The following NELL1 variants were observed in gnomAD, a reference collection of about 807,000 sequenced individuals.
NELL1 encodes the protein neural EGFL like 1.
Under a neutral mutation model 107.4 loss-of-function variants are expected in NELL1, and 76 were observed. That is an observed-to-expected ratio of 0.71 (90% CI 0.59 to 0.86). The LOEUF (loss-of-function observed/expected upper bound fraction) is 0.86. Among genes scored for constraint, NELL1 ranks in the 40% least tolerant of loss-of-function variants. The probability of loss-of-function intolerance (pLI) is 0.00; values close to 1 mark genes in which losing one functional copy is unlikely to be tolerated. For synonymous variants in NELL1, 353 were observed against 341.2 expected (o/e 1.03, Z -0.38); for missense variants, 1,024 against 1,005.5 (o/e 1.02, Z -0.25).
chr11:21,158,557 A>T (rs1435335040), intron 13 of NELL1, among the ~76,000 whole-genome samples: 1 of 152,182 alleles, frequency 6.6e-6, no homozygotes, highest in Admixed American at 6.5e-5. Context: ...CCACTTTTAC[A>T]TTCTATATCT....
At chr11:21,542,540 A>T (rs1564950928) in intron 16 of NELL1, among the ~76,000 whole-genome samples, 1 of 152,048 alleles carries the variant, frequency 6.6e-6, no homozygotes, top group Non-Finnish European at 1.5e-5. Context: ...CATCCTTCTG[A>T]GCGATGGGCA....
intron 10 of NELL1, among the ~76,000 whole-genome samples, chr11:20,942,619 A>T (rs1371333651): frequency 3.9e-5 from 6 of 152,186 alleles, no homozygotes; most frequent in Non-Finnish European, 8.8e-5. Context: ...TCCTCAATAA[A>T]TGTGAGCTAT....
chr11:21,419,457 T>C (rs1443919950), intron 15 of NELL1, among the ~76,000 whole-genome samples: 1 of 152,150 alleles, frequency 6.6e-6, no homozygotes, highest in Non-Finnish European at 1.5e-5. Flanking sequence ...AAGAGACTTT[T>C]AGGGGTCACG....
intron 14 of NELL1, among the ~76,000 whole-genome samples, chr11:21,336,147 A>G (rs1372259568): frequency 6.6e-6 from 1 of 152,054 alleles, no homozygotes; most frequent in Admixed American, 6.6e-5. Context: ...TTCTCAGGCT[A>G]TGACATTAAA....
intron 12 of NELL1, among the ~76,000 whole-genome samples, chr11:21,074,743 C>CT (rs201551237): frequency 4.6e-5 from 7 of 151,978 alleles, no homozygotes; most frequent in Non-Finnish European, 1.0e-4. Flanking sequence ...CATACAGCAA[C>CT]TTTTTTTAAA....
chr11:20,737,211 C>G (rs1519718), intron 2 of NELL1, among the ~76,000 whole-genome samples: 138,643 of 152,056 alleles, frequency 0.91, 63,967 homozygotes, highest in East Asian at 1. Flanking sequence ...GTGAATCCTG[C>G]CCCCCAGTTT....
At chr11:21,155,017 A>G (rs1348845630) in intron 13 of NELL1, among the ~76,000 whole-genome samples, 1 of 152,156 alleles carries the variant, frequency 6.6e-6, no homozygotes, top group Non-Finnish European at 1.5e-5. Context: ...TGAAAGGTGA[A>G]TGCATTACTT....
chr11:21,232,028 C>T (rs561977523), intron 14 of NELL1, among the ~76,000 whole-genome samples: 12 of 151,338 alleles, frequency 7.9e-5, no homozygotes, highest in African/African-American at 2.7e-4. Context: ...AGGCCAGGCG[C>T]AGTGGATCAC....
intron 15 of NELL1, among the ~76,000 whole-genome samples, chr11:21,439,485 A>G (rs1261197200): frequency 6.6e-6 from 1 of 152,164 alleles, no homozygotes; most frequent in Admixed American, 6.5e-5. Flanking sequence ...GTCATATGGC[A>G]AGAGCAAAGG....
intron 12 of NELL1, among the ~76,000 whole-genome samples, chr11:21,028,685 A>G (rs1357054880): frequency 6.6e-6 from 1 of 151,554 alleles, no homozygotes; most frequent in Non-Finnish European, 1.5e-5. Context: ...TTTGATTTAT[A>G]TTTGTCTACT....
intron 3 of NELL1, among the ~76,000 whole-genome samples, chr11:20,839,282 T>C (rs1248310236): frequency 1.3e-5 from 2 of 152,202 alleles, no homozygotes; most frequent in African/African-American, 4.8e-5. Context: ...AGTGAGTGTT[T>C]TATTTTCAAT....
intron 13 of NELL1, among the ~76,000 whole-genome samples, chr11:21,169,337 A>T (rs907139451): frequency 1.3e-5 from 2 of 151,842 alleles, no homozygotes; most frequent in African/African-American, 4.9e-5. Flanking sequence ...GAAAAGCTGG[A>T]ACTTGCTAGA....
chr11:21,390,814 G>C (rs923230135), intron 15 of NELL1, among the ~76,000 whole-genome samples: 12 of 151,720 alleles, frequency 7.9e-5, no homozygotes, highest in Non-Finnish European at 1.6e-4. Flanking sequence ...ACATGTATTT[G>C]ATATTTTATA....
intron 5 of NELL1, among the ~76,000 whole-genome samples, chr11:20,894,687 A>G (rs1332255263): frequency 3.3e-5 from 5 of 152,204 alleles, no homozygotes; most frequent in Admixed American, 6.5e-5. Context: ...AATTGATTTA[A>G]GTACTAAGGA....
chr11:21,139,512 C>T (rs1855820395), intron 13 of NELL1, among the ~76,000 whole-genome samples: 1 of 152,168 alleles, frequency 6.6e-6, no homozygotes, highest in Non-Finnish European at 1.5e-5. Context: ...TATCACTATC[C>T]ACCACATTAC....
chr11:20,709,930 C>A (rs1235718712), intron 2 of NELL1, among the ~76,000 whole-genome samples: 1 of 152,124 alleles, frequency 6.6e-6, no homozygotes, highest in Non-Finnish European at 1.5e-5. Context: ...ATTCATTTGT[C>A]AGATTTAGGA....
At chr11:21,442,881 A>T (rs148941190) in intron 15 of NELL1, among the ~76,000 whole-genome samples, 13 of 147,866 alleles carry the variant, frequency 8.8e-5, no homozygotes, top group African/African-American at 3.2e-4. Flanking sequence ...AGACCCTGAG[A>T]TGGAAATTGG....
intron 12 of NELL1, among the ~76,000 whole-genome samples, chr11:21,071,434 G>A (rs561720945): frequency 6.6e-6 from 1 of 152,218 alleles, no homozygotes; most frequent in East Asian, 1.9e-4. Context: ...AATAATGGTA[G>A]TTGTTGTATC....
At chr11:21,217,366 T>TA (rs1365336516) in intron 13 of NELL1, among the ~76,000 whole-genome samples, 3 of 152,038 alleles carry the variant, frequency 2.0e-5, no homozygotes, top group African/African-American at 7.2e-5. Context: ...AAAGGTACAT[T>TA]GTGGGAAGCT....
Sources: allele counts gnomAD v4.1 joint callset (sites outside exome capture counted in the v4.1 genomes callset), GRCh38; gene constraint gnomAD v4.1.1; transcripts MANE v1.5; gene names NCBI Gene and HGNC (gene_info 2026-07-23, HGNC 2026-07-21).